Variants in XPO7 observed in about 807,000 individuals in gnomAD.
XPO7 encodes the protein exportin 7.
A neutral mutation model predicts 144.3 loss-of-function variants in XPO7; 21 were observed. The observed-to-expected ratio is 0.15, with a 90% CI of 0.10 to 0.21. XPO7 has a LOEUF of 0.21. Among genes scored for constraint, XPO7 ranks in the 10% least tolerant of loss-of-function variants. XPO7 has a pLI of 1.00. For missense variants in XPO7, 808 were observed against 1,325.8 expected, an observed-to-expected ratio of 0.61 and a Z score of 6.06; for synonymous variants, 580 against 499.6, an observed-to-expected ratio of 1.16 and a Z score of -2.15.
At chr8:21,956,448 G>C (rs1014126437) in intron 1 of XPO7, among the ~76,000 whole-genome samples, 1 of 152,142 alleles carries the variant, frequency 6.6e-6, no homozygotes, top group African/African-American at 2.4e-5. Context: ...CTCCATTCTG[G>C]CAACTGATGT....
intron 21 of XPO7, among the ~76,000 whole-genome samples, chr8:21,996,531 T>C (rs1242637161): frequency 6.6e-6 from 1 of 152,228 alleles, no homozygotes; most frequent in Non-Finnish European, 1.5e-5. Context: ...AATGGTGCCT[T>C]GTCCATCACA....
chr8:21,961,202 G>A (rs1395618499), intron 1 of XPO7, among the ~76,000 whole-genome samples: 3 of 149,666 alleles, frequency 2.0e-5, no homozygotes, highest in African/African-American at 7.4e-5. Context: ...GGGTCACAGG[G>A]TGTTTTTTTT....
rs1048559836 is a variant in XPO7, at chr8:21,919,697, G to T, written c.-74G>T. 10 of 200,844 alleles carry T rather than the reference G, an allele frequency of 5.0e-5. No individual in the cohort carries two copies. The highest frequency in any genetic ancestry group is 1.3e-4 in the Admixed American group (2 of 15,966). The allele number at this position is 200,844 out of a possible 1,614,324, so 12.4% of individuals were successfully genotyped here. A position where few individuals can be genotyped will look rare whatever the true frequency, so the allele number is the denominator to read the frequency against. ...CGCAGCGGCGACGGCGTCGGCGGCGGCGGCGGCAGCGGCTCCGGCCGAGGT... is the reference window on the plus strand; with the variant it reads ...CGCAGCGGCGACGGCGTCGGCGGCGTCGGCGGCAGCGGCTCCGGCCGAGGT... On this transcript the variant is annotated 5_prime_UTR_variant, in exon 1 of 28. Coordinates refer to ENST00000252512, the MANE Select transcript of XPO7 (RefSeq NM_015024.5).
At chr8:21,978,004 T>G (rs1457589317) in intron 8 of XPO7, among the ~76,000 whole-genome samples, 161 bp downstream of exon 8, 1 of 152,222 alleles carries the variant, frequency 6.6e-6, no homozygotes, top group East Asian at 1.9e-4. Flanking sequence ...AGCCTAAAGG[T>G]TCCAGCCATA....
intron 1 of XPO7, among the ~76,000 whole-genome samples, chr8:21,953,781 A>T (rs750964523): frequency 1.3e-5 from 2 of 152,192 alleles, no homozygotes; most frequent in Admixed American, 6.5e-5. Context: ...CCATCTTTTC[A>T]TATGCTTATT....
chr8:21,942,320 A>G (rs1447195585), intron 1 of XPO7, among the ~76,000 whole-genome samples: 1 of 152,182 alleles, frequency 6.6e-6, no homozygotes, highest in Non-Finnish European at 1.5e-5. Flanking sequence ...CAGCTAAAAT[A>G]TTTGCTGTAG....
intron 1 of XPO7, among the ~76,000 whole-genome samples, chr8:21,925,991 G>GA (rs1340940625): frequency 6.6e-6 from 1 of 151,976 alleles, no homozygotes; most frequent in African/African-American, 2.4e-5. Flanking sequence ...AAACAGTAAC[G>GA]AAAGAGGTCT....
In XPO7 at chr8:21,946,644, T is replaced by G. The variant is rs189348723; in HGVS notation, c.19-20213T>G. Among the ~76,000 whole-genome samples, 1,361 of 148,384 alleles carry G rather than the reference T, an allele frequency of 9.2e-3. 17 individuals are homozygous for G. Among genetic ancestry groups the G allele is most frequent in the African/African-American group, 0.032 (1,289 of 40,594 alleles). Reference sequence around the variant, plus strand: ...GTTCCACATATGCAAAACAGGATTTTTTTTTTTTTTTTTTTTTGACGGAGT... The same window carrying G: ...GTTCCACATATGCAAAACAGGATTTGTTTTTTTTTTTTTTTTTGACGGAGT... On this transcript the variant is annotated intron_variant, in intron 1 of 27. Coordinates refer to ENST00000252512, the MANE Select transcript of XPO7 (RefSeq NM_015024.5).
intron 17 of XPO7, 136 bp from the exon 18 acceptor site, chr8:21,990,675 A>C: frequency 1.0e-6 from 1 of 972,296 alleles, no homozygotes; most frequent in East Asian, 2.5e-5. Context: ...CTTCAAAAAA[A>C]AAAAAACCTT....
intron 3 of XPO7, 61 bp from the exon 4 acceptor site, chr8:21,970,083 C>G (rs977177975): frequency 6.4e-7 from 1 of 1,551,928 alleles, no homozygotes; most frequent in Non-Finnish European, 8.7e-7. Context: ...AGATATACAC[C>G]CTTCTCTGGC....
chr8:21,940,039 T>C lies in XPO7; in HGVS notation c.18+20251T>C, dbSNP rs1054109623. 2.0e-5 allele frequency among the ~76,000 whole-genome samples: 3 copies of C among 152,224 alleles called. No individual in the cohort carries two copies. The East Asian group carries it at 5.8e-4, about 29-fold the overall frequency. Reference sequence around the variant, plus strand: ...GAAATGTACCTTTTCAAATGTGAAGTTGATCTTCACACTCCTAAATCTAAA... The same window carrying C: ...GAAATGTACCTTTTCAAATGTGAAGCTGATCTTCACACTCCTAAATCTAAA... On this transcript the variant is annotated intron_variant, in intron 1 of 27. Coordinates refer to ENST00000252512, the MANE Select transcript of XPO7 (RefSeq NM_015024.5).
chr8:21,988,872 C>T (rs561534007), intron 15 of XPO7, 131 bp from the exon 16 acceptor site: 193 of 715,080 alleles, frequency 2.7e-4, no homozygotes, highest in Non-Finnish European at 4.1e-4. Flanking sequence ...TTTTTGTGGT[C>T]GTGATGTCTG....
intron 14 of XPO7, 46 bp from the exon 15 acceptor site, chr8:21,987,738 T>C (rs369213618): frequency 1.0e-5 from 16 of 1,600,866 alleles, no homozygotes; most frequent in Non-Finnish European, 1.3e-5. Context: ...CAGGATGTGA[T>C]TGTTGTAATT....
intron 1 of XPO7, among the ~76,000 whole-genome samples, chr8:21,959,408 A>C (rs182828881): frequency 1.8e-4 from 28 of 152,350 alleles, no homozygotes; most frequent in African/African-American, 6.5e-4. Flanking sequence ...TGTAAAAGAA[A>C]GGGAAAATAT....
chr8:21,929,261 G>A (rs995127068), intron 1 of XPO7, among the ~76,000 whole-genome samples: 19 of 152,216 alleles, frequency 1.2e-4, no homozygotes, highest in African/African-American at 4.1e-4. Flanking sequence ...GAAGCAAAGT[G>A]GAACATAGGT....
At position 21,976,242 on chromosome 8, in the gene XPO7, T is replaced by G. The variant is rs1054240123; in HGVS notation, c.598-114T>G. The G allele has an allele frequency of 5.2e-6, 6 of 1,157,400 alleles. No individual in the cohort carries two copies. In the African/African-American group the frequency reaches 7.7e-5, roughly 15 times the overall value. The allele number at this position is 1,157,400 out of a possible 1,614,324, so 71.7% of individuals were successfully genotyped here. ...ACATCTTTGGAGAGAAGGGGACATT[T>G]TACTGTGCTAACATATAGCCCTCCT... On this transcript the variant is annotated intron_variant, in intron 6 of 27. Transcript: ENST00000252512.
intron 20 of XPO7, among the ~76,000 whole-genome samples, chr8:21,994,712 T>C (rs1387548908): frequency 6.6e-6 from 1 of 152,138 alleles, no homozygotes; most frequent in Admixed American, 6.5e-5. Flanking sequence ...TATACCACTG[T>C]AGAACTGTTG....
chr8:21,975,525 A>G (rs1462743262), intron 6 of XPO7, among the ~76,000 whole-genome samples: 1 of 151,998 alleles, frequency 6.6e-6, no homozygotes, highest in Non-Finnish European at 1.5e-5. Flanking sequence ...TTTTGTTCTT[A>G]TTTTCCAACA....
chr8:21,969,973 T>C, intron 3 of XPO7, 171 bp from the exon 4 acceptor site: 1 of 761,468 alleles, frequency 1.3e-6, no homozygotes, highest in Non-Finnish European at 2.0e-6. Context: ...CCTACTAATC[T>C]TAAATTTAAA....
Sources: allele counts gnomAD v4.1 joint callset (sites outside exome capture counted in the v4.1 genomes callset), GRCh38; gene constraint gnomAD v4.1.1; transcripts MANE v1.5; gene names NCBI Gene and HGNC (gene_info 2026-07-23, HGNC 2026-07-21).